Variants in SLC10A7 observed in about 807,000 individuals in gnomAD.
The protein encoded by SLC10A7 is solute carrier family 10 member 7, also known as sodium/bile acid cotransporter 7.
Under a neutral mutation model 43.2 loss-of-function variants are expected in SLC10A7, and 29 were observed. The ratio of observed to expected loss-of-function variants is 0.67; its 90% CI spans 0.50 to 0.92. SLC10A7 has a LOEUF of 0.92. Among genes scored for constraint, SLC10A7 ranks in the 40% least tolerant of loss-of-function variants. The pLI, the probability that SLC10A7 is intolerant of heterozygous loss-of-function variation, is 0.00. For missense variants in SLC10A7, 295 were observed against 403.2 expected (o/e 0.73, Z 2.30); for synonymous variants, 152 against 144.8 (o/e 1.05, Z -0.35).
chr4:146,515,113 C>CAA lies in SLC10A7; in HGVS notation c.183+1923_183+1924dup, dbSNP rs759435219. ...TTCCTTCTTCAACTCCTGCATCCCACAAAGTTGGCTGCTTCGCAGAATCGC... is the reference window on the plus strand; with the variant it reads ...TTCCTTCTTCAACTCCTGCATCCCACAAAAAGTTGGCTGCTTCGCAGAATCGC... On this transcript the variant is annotated intron_variant, in intron 2 of 11. Transcript: ENST00000335472. 16 of 702,122 alleles carry CAA rather than the reference C, an allele frequency of 2.3e-5. 1 individual carries two copies. In the South Asian group the frequency reaches 2.4e-4, roughly 10 times the overall value. 43.5% of individuals were successfully genotyped at this position (702,122 alleles called of 1,614,324 possible).
At chr4:146,375,437 C>G (rs1165647859) in intron 5 of SLC10A7, among the ~76,000 whole-genome samples, 1 of 152,140 alleles carries the variant, frequency 6.6e-6, no homozygotes. Flanking sequence ...TCATGGCCCT[C>G]AAGTTACTCC....
At chr4:146,288,799 A>T (rs1275084577) in intron 9 of SLC10A7, among the ~76,000 whole-genome samples, 1 of 151,842 alleles carries the variant, frequency 6.6e-6, no homozygotes. Context: ...TTTAATATTG[A>T]TTTTCTTTTT....
chr4:146,404,924 C>A (rs1023890720), intron 5 of SLC10A7, among the ~76,000 whole-genome samples: 5 of 152,124 alleles, frequency 3.3e-5, no homozygotes, highest in African/African-American at 1.2e-4. Flanking sequence ...GTGAAAAGAG[C>A]ATAGGAATTA....
intron 7 of SLC10A7, among the ~76,000 whole-genome samples, chr4:146,304,481 T>G (rs1731400624): frequency 6.6e-6 from 1 of 152,136 alleles, no homozygotes; most frequent in Admixed American, 6.5e-5. Context: ...AAGAACATCT[T>G]TATTTCTGCC....
chr4:146,393,191 CAAAAAAAA>C (rs765135958), intron 5 of SLC10A7, among the ~76,000 whole-genome samples: 10 of 42,076 alleles, frequency 2.4e-4, no homozygotes, highest in Admixed American at 4.2e-4. Context: ...GGCCCTGTCT[CAAAAAAAA>C]AAAAAAAAAA....
intron 5 of SLC10A7, among the ~76,000 whole-genome samples, chr4:146,408,207 C>T (rs939172560): frequency 2.6e-5 from 4 of 152,068 alleles, no homozygotes; most frequent in Non-Finnish European, 4.4e-5. Flanking sequence ...TGCCTAAAAC[C>T]TCAACAGCCA....
chr4:146,363,551 T>C (rs1337546490), intron 5 of SLC10A7, among the ~76,000 whole-genome samples: 1 of 152,102 alleles, frequency 6.6e-6, no homozygotes, highest in Admixed American at 6.5e-5. Flanking sequence ...CCGCAGAACA[T>C]ACCTTCTTCT....
intron 2 of SLC10A7, among the ~76,000 whole-genome samples, chr4:146,512,335 A>G (rs1229768742): frequency 6.6e-6 from 1 of 152,212 alleles, no homozygotes; most frequent in Non-Finnish European, 1.5e-5. Context: ...ATTTGGTAAT[A>G]TATATCAACG....
chr4:146,392,172 T>G (rs1262081051), intron 5 of SLC10A7, among the ~76,000 whole-genome samples: 1 of 152,214 alleles, frequency 6.6e-6, no homozygotes, highest in African/African-American at 2.4e-5. Context: ...AGGACTCTGT[T>G]GTATCTCTAT....
At chr4:146,516,464 G>A (rs1217342703) in intron 2 of SLC10A7, among the ~76,000 whole-genome samples, 1 of 144,020 alleles carries the variant, frequency 6.9e-6, no homozygotes, top group Non-Finnish European at 1.5e-5. Flanking sequence ...ATATGTATGT[G>A]TATATGTATA....
intron 1 of SLC10A7, among the ~76,000 whole-genome samples, chr4:146,520,181 A>T (rs1265276296): frequency 2.0e-5 from 3 of 152,208 alleles, no homozygotes; most frequent in African/African-American, 7.2e-5. Context: ...CAAATAAGAG[A>T]TCTAACACGA....
At chr4:146,458,157 C>A (rs1305461377) in intron 4 of SLC10A7, among the ~76,000 whole-genome samples, 1 of 151,438 alleles carries the variant, frequency 6.6e-6, no homozygotes, top group Admixed American at 6.6e-5. Flanking sequence ...TCCAGGAATG[C>A]AAAGTTGGCA....
At chr4:146,521,504 G>C in intron 1 of SLC10A7, 114 bp downstream of exon 1, 1 of 808,708 alleles carries the variant, frequency 1.2e-6, no homozygotes, top group South Asian at 1.7e-5. Flanking sequence ...AGGCTGGTCA[G>C]TGCCCCCTGA....
intron 11 of SLC10A7, among the ~76,000 whole-genome samples, chr4:146,257,613 T>G (rs1165604127): frequency 1.3e-5 from 2 of 152,210 alleles, no homozygotes; most frequent in Admixed American, 1.3e-4. Flanking sequence ...TGAACATCAT[T>G]GTAGATAATG....
chr4:146,448,206 T>A (rs1731277174), intron 4 of SLC10A7, among the ~76,000 whole-genome samples: 1 of 151,308 alleles, frequency 6.6e-6, no homozygotes, highest in Non-Finnish European at 1.5e-5. Flanking sequence ...ACCCTAAAAC[T>A]TAAAGTATAA....
chr4:146,415,203 T>C (rs971058176), intron 5 of SLC10A7, among the ~76,000 whole-genome samples: 5 of 152,212 alleles, frequency 3.3e-5, no homozygotes, highest in Non-Finnish European at 7.3e-5. Context: ...TAACTTGAAC[T>C]AACCTCTGGT....
At chr4:146,400,119 A>G (rs750999274) in intron 5 of SLC10A7, among the ~76,000 whole-genome samples, 1 of 152,180 alleles carries the variant, frequency 6.6e-6, no homozygotes. Context: ...CCCAGGAGAA[A>G]GAGGTATCAT....
At chr4:146,474,939 T>C (rs767107033) in intron 4 of SLC10A7, among the ~76,000 whole-genome samples, 12 of 152,158 alleles carry the variant, frequency 7.9e-5, no homozygotes, top group Admixed American at 2.0e-4. Flanking sequence ...TACCAGAGCA[T>C]TCCCTTCCCT....
intron 5 of SLC10A7, among the ~76,000 whole-genome samples, chr4:146,428,331 A>G (rs979953429): frequency 6.6e-6 from 1 of 152,162 alleles, no homozygotes; most frequent in African/African-American, 2.4e-5. Flanking sequence ...CCCAAGTCAC[A>G]TCTTTATTAT....
Sources: gnomAD v4.1 joint callset for allele counts (sites outside exome capture counted in the v4.1 genomes callset) on GRCh38, gnomAD v4.1.1 for gene constraint, MANE v1.5 for transcripts, NCBI Gene and HGNC (gene_info 2026-07-23, HGNC 2026-07-21) for gene names.